DMD: variants seen among roughly 807,000 people sequenced by gnomAD.
DMD encodes mutant dystrophin.
In DMD, 63 loss-of-function variants were observed where a neutral mutation model predicts 330.1. The ratio of observed to expected loss-of-function variants is 0.19; its 90% CI spans 0.16 to 0.24. DMD has a LOEUF of 0.24. Among genes scored for constraint, DMD ranks in the 10% least tolerant of loss-of-function variants. The pLI is 1.00. For synonymous variants in DMD, 1,223 were observed against 959.8 expected, an observed-to-expected ratio of 1.27 and a Z score of -5.07; for missense variants, 3,344 against 2,684.1, an observed-to-expected ratio of 1.25 and a Z score of -5.43.
At chrX:32,479,494 C>A (rs1399113617) in intron 21 of DMD, among the ~76,000 whole-genome samples, 1 of 109,547 alleles carries the variant, frequency 9.1e-6, no homozygotes, top group Non-Finnish European at 1.9e-5. Flanking sequence ...TATAATTTGA[C>A]TTTTTTTTGG....
At chrX:31,242,700 A>ATGTG (rs3138883) in intron 63 of DMD, among the ~76,000 whole-genome samples, 24,240 of 94,797 alleles carry the variant, frequency 0.26, 2,585 homozygotes, top group Middle Eastern at 0.35. Flanking sequence ...ACAATAAGAT[A>ATGTG]TGTGTGTGTG....
intron 55 of DMD, among the ~76,000 whole-genome samples, chrX:31,569,642 G>A (rs751484337): frequency 1.1e-4 from 8 of 73,872 alleles, no homozygotes; most frequent in Admixed American, 2.8e-4. Context: ...GTATATATAT[G>A]TATATACGTA....
intron 52 of DMD, among the ~76,000 whole-genome samples, chrX:31,687,118 C>T (rs1456794831): frequency 9.0e-6 from 1 of 111,060 alleles, no homozygotes; most frequent in African/African-American, 3.3e-5. Context: ...TATCAGGATT[C>T]ATCAGCTACT....
chrX:33,128,520 C>T (rs2148523527), intron 1 of DMD: 1 of 771,860 alleles, frequency 1.3e-6, no homozygotes, highest in East Asian at 8.2e-5. Flanking sequence ...AACCTCAGTT[C>T]CTCTAGAAAT....
At chrX:31,917,989 C>T (rs998421969) in intron 47 of DMD, among the ~76,000 whole-genome samples, 6 of 111,690 alleles carry the variant, frequency 5.4e-5, no homozygotes, top group African/African-American at 2.0e-4. Context: ...ACAGTGCCCC[C>T]CTAGCTGAGA....
chrX:32,813,324 A>T (rs189612815), intron 6 of DMD, among the ~76,000 whole-genome samples: 10 of 112,097 alleles, frequency 8.9e-5, no homozygotes, highest in African/African-American at 1.6e-4. Flanking sequence ...GTTAACCTGG[A>T]CCATAATTTA....
At chrX:32,842,916 C>T (rs1344263104) in intron 4 of DMD, among the ~76,000 whole-genome samples, 1 of 111,379 alleles carries the variant, frequency 9.0e-6, no homozygotes, top group East Asian at 2.8e-4. Flanking sequence ...AAGCAATTCT[C>T]CTACCTCAGC....
intron 7 of DMD, among the ~76,000 whole-genome samples, chrX:32,719,391 T>C (rs1288109961): frequency 9.0e-6 from 1 of 111,723 alleles, no homozygotes; most frequent in East Asian, 2.8e-4. Context: ...TCAATTTGTT[T>C]CTCTGTGTGA....
chrX:33,146,797 G>T (rs2048053959), intron 1 of DMD, among the ~76,000 whole-genome samples: 1 of 111,217 alleles, frequency 9.0e-6, no homozygotes, highest in African/African-American at 3.3e-5. Flanking sequence ...TGCAGAGTTA[G>T]TATTTTGTTG....
intron 48 of DMD, among the ~76,000 whole-genome samples, chrX:31,872,404 T>C (rs2093905745): frequency 9.0e-6 from 1 of 111,503 alleles, no homozygotes; most frequent in Non-Finnish European, 1.9e-5. Flanking sequence ...CTATGGGCCA[T>C]AGACAATCGA....
chrX:31,594,927 A>G (rs2077045784), intron 55 of DMD, among the ~76,000 whole-genome samples: 1 of 111,644 alleles, frequency 9.0e-6, no homozygotes, highest in South Asian at 3.7e-4. Context: ...ACGGTGGAAG[A>G]GTTTTTAATT....
intron 60 of DMD, among the ~76,000 whole-genome samples, chrX:31,437,358 T>A (rs1458174171): frequency 1.8e-5 from 2 of 111,811 alleles, no homozygotes; most frequent in South Asian, 7.4e-4. Context: ...TGGGAATGAA[T>A]TTCTATATGT....
rs772306909 is a variant in DMD at position 31,444,592 on chromosome X, G to A, written c.8973C>T (p.Asn2991=). 147 of 1,209,744 alleles carry A rather than the reference G, an allele frequency of 1.2e-4. No individual in the cohort carries two copies. The South Asian group carries it at 2.2e-3, about 18-fold the overall frequency. Residue 2991 remains asparagine (N), a synonymous_variant, in exon 60 of 79, where the codon AAC becomes AAT. Coordinates refer to ENST00000357033, the MANE Select transcript of DMD (RefSeq NM_004006.3). The stretch of plus-strand genomic sequence containing the variant: ...GAGCAAGGTCATTGACGTGGCTCAC[G>A]TTCTCTTTCAGAGGCGCAATTTCTC... ...LRGEIAPLKE[N]VSHVNDLARQ...
At chrX:32,402,763 C>A (rs2098093469) in intron 30 of DMD, among the ~76,000 whole-genome samples, 2 of 111,334 alleles carry the variant, frequency 1.8e-5, no homozygotes, top group Admixed American at 1.9e-4. Flanking sequence ...CAAAGTTGGG[C>A]AATCATAAGG....
intron 41 of DMD, among the ~76,000 whole-genome samples, chrX:32,310,998 T>C (rs1441066478): frequency 9.0e-6 from 1 of 110,920 alleles, no homozygotes; most frequent in Non-Finnish European, 1.9e-5. Flanking sequence ...GTGCTAGACA[T>C]GATGAGAATT....
chrX:32,166,789 A>G (rs1315525449), intron 44 of DMD, among the ~76,000 whole-genome samples: 1 of 111,840 alleles, frequency 8.9e-6, no homozygotes, highest in Non-Finnish European at 1.9e-5. Flanking sequence ...TGACAAAATC[A>G]CATTCCTTGG....
Position 32,229,681 on chromosome X carries a change from CATATATATATATATAT to C in DMD, c.6291-12634_6291-12619del, listed in dbSNP as rs55916475. ...ATATATATATCTCAAAGAGTTTCAT[CATATATATATATATAT>C]ATATATATATATATATATATATATA... On this transcript the variant is annotated intron_variant, in intron 43 of 78. Transcript: ENST00000357033. Among the ~76,000 whole-genome samples the C allele has an allele frequency of 3.4e-3, 82 of 24,334 alleles. 1 individual carries two copies. The highest frequency in any genetic ancestry group is 4.8e-3 in the African/African-American group (30 of 6,315). The allele number at this position is 24,334 out of a possible 115,157, so 21.1% of individuals were successfully genotyped here.
intron 30 of DMD, 88 bp downstream of exon 30, chrX:32,411,664 T>C (rs1238245707): frequency 2.8e-6 from 3 of 1,061,589 alleles, no homozygotes; most frequent in East Asian, 6.1e-5. Context: ...GGAAAACTAG[T>C]TGAATAAATT....
At chrX:32,076,052 CAAAAAAAAAAAAAA>C (rs59686294) in intron 44 of DMD, among the ~76,000 whole-genome samples, 22 of 18,759 alleles carry the variant, frequency 1.2e-3, no homozygotes, top group Admixed American at 7.0e-3. Flanking sequence ...GACTCTGTCT[CAAAAAAAAAAAAAA>C]AAAAAAAAAA....
Sources: allele counts gnomAD v4.1 joint callset (sites outside exome capture counted in the v4.1 genomes callset), GRCh38; gene constraint gnomAD v4.1.1; transcripts MANE v1.5; gene names NCBI Gene and HGNC (gene_info 2026-07-23, HGNC 2026-07-21).